PHF24: variants seen among roughly 807,000 people sequenced by gnomAD.
The protein encoded by PHF24 is Galpha inhibitory interacting protein.
A neutral mutation model predicts 42.6 loss-of-function variants in PHF24; 25 were observed. The ratio of observed to expected loss-of-function variants is 0.59; its 90% CI spans 0.43 to 0.82. The LOEUF (loss-of-function observed/expected upper bound fraction) is 0.82, where lower values mean the gene tolerates loss of function less well. Ranked by LOEUF, PHF24 falls within the 40% of genes least tolerant of loss-of-function variation. The probability of loss-of-function intolerance (pLI) is 0.00; values close to 1 mark genes in which losing one functional copy is unlikely to be tolerated. For missense variants in PHF24, 470 were observed against 538.1 expected (o/e 0.87, Z 1.25); for synonymous variants, 185 against 204.8 (o/e 0.90, Z 0.83).
the PHF24 span, among the ~76,000 whole-genome samples, chr9:34,686,185 A>C: frequency 6.6e-6 from 1 of 152,334 alleles, no homozygotes; most frequent in East Asian, 1.9e-4. Flanking sequence ...ACAGAGGGGC[A>C]CTTGCAGGAA....
chr9:34,791,901 A>T, the PHF24 span, among the ~76,000 whole-genome samples: 2 of 152,234 alleles, frequency 1.3e-5, no homozygotes, highest in Non-Finnish European at 2.9e-5. Flanking sequence ...GGGAAGAGAG[A>T]CAATGGAGAC....
exon 8 of PHF24, chr9:34,980,147 C>T (rs556019155): frequency 1.3e-5 from 2 of 152,328 alleles, no homozygotes; most frequent in South Asian, 4.1e-4. Flanking sequence ...GCATTTTTCT[C>T]CTGCCTCATC....
chr9:34,850,504 T>C, the PHF24 span, among the ~76,000 whole-genome samples: 1 of 152,232 alleles, frequency 6.6e-6, no homozygotes, highest in Non-Finnish European at 1.5e-5. Flanking sequence ...TACATTTGTC[T>C]AAATTTTTTT....
the PHF24 span, among the ~76,000 whole-genome samples, chr9:34,775,484 G>A: frequency 1.3e-5 from 2 of 152,038 alleles, no homozygotes; most frequent in Non-Finnish European, 2.9e-5. Flanking sequence ...TACAGCAGTG[G>A]GAATGCACTT....
At chr9:34,967,533 A>G (rs1203966865) in intron 1 of PHF24, among the ~76,000 whole-genome samples, 1 of 152,248 alleles carries the variant, frequency 6.6e-6, no homozygotes, top group African/African-American at 2.4e-5. Context: ...GTGGTCTGGA[A>G]AATGTAATTG....
At chr9:34,839,188 C>T in the PHF24 span, among the ~76,000 whole-genome samples, 2 of 152,260 alleles carry the variant, frequency 1.3e-5, no homozygotes, top group African/African-American at 4.8e-5. Context: ...GGAATACTGT[C>T]CAAATCATGG....
At chr9:34,709,710 T>C in the PHF24 span, 1 of 1,613,578 alleles carries the variant, frequency 6.2e-7, no homozygotes, top group Non-Finnish European at 8.5e-7. Flanking sequence ...TAAGCCTTCT[T>C]AGTCTTGCCC....
chr9:34,900,559 A>G, the PHF24 span, among the ~76,000 whole-genome samples: 2 of 152,204 alleles, frequency 1.3e-5, no homozygotes, highest in Non-Finnish European at 2.9e-5. Flanking sequence ...AGATATCACC[A>G]CTGCACTCCA....
At chr9:34,690,432 G>A in the PHF24 span, 4 of 605,254 alleles carry the variant, frequency 6.6e-6, no homozygotes, top group South Asian at 6.7e-5. Flanking sequence ...ACCTGTGTGT[G>A]TGTGTGTGTG....
At chr9:34,853,539 A>C in the PHF24 span, among the ~76,000 whole-genome samples, 3 of 152,148 alleles carry the variant, frequency 2.0e-5, no homozygotes, top group Non-Finnish European at 2.9e-5. Flanking sequence ...TAGAAATGGC[A>C]CCAGCTCGGC....
the PHF24 span, among the ~76,000 whole-genome samples, chr9:34,776,560 C>A: frequency 1.3e-5 from 2 of 152,132 alleles, no homozygotes; most frequent in African/African-American, 4.8e-5. Flanking sequence ...TTATATTTAT[C>A]TATCTCTTTA....
chr9:34,747,073 A>G, the PHF24 span, among the ~76,000 whole-genome samples: 1 of 152,192 alleles, frequency 6.6e-6, no homozygotes, highest in Non-Finnish European at 1.5e-5. Flanking sequence ...GGAAAAATAT[A>G]TATACAAAAT....
At chr9:34,667,396 G>C in the PHF24 span, among the ~76,000 whole-genome samples, 3 of 152,196 alleles carry the variant, frequency 2.0e-5, no homozygotes, top group Non-Finnish European at 2.9e-5. Context: ...ATGGGTGCTA[G>C]GTGGTTTTAT....
chr9:34,671,643 GAA>G, the PHF24 span, among the ~76,000 whole-genome samples: 23 of 152,226 alleles, frequency 1.5e-4, no homozygotes, highest in African/African-American at 4.6e-4. Flanking sequence ...TTCCAAGTGA[GAA>G]AGGGAGGAGA....
At chr9:34,972,463 C>G in exon 3 of PHF24, 1 of 1,614,122 alleles carries the variant, frequency 6.2e-7, no homozygotes, top group Non-Finnish European at 8.5e-7. Flanking sequence ...GGGCTACATC[C>G]AAGGAGACAG....
the PHF24 span, among the ~76,000 whole-genome samples, chr9:34,738,155 C>T: frequency 6.6e-6 from 1 of 152,070 alleles, no homozygotes; most frequent in African/African-American, 2.4e-5. Flanking sequence ...GATCCAGCAC[C>T]AGCATTATCT....
chr9:34,723,878 A>T, the PHF24 span: 1 of 1,551,256 alleles, frequency 6.4e-7, no homozygotes, highest in African/African-American at 1.4e-5. Context: ...TAGCTGTGGG[A>T]GCTTAAGCTG....
At chr9:34,796,004 A>G in the PHF24 span, among the ~76,000 whole-genome samples, 1 of 152,102 alleles carries the variant, frequency 6.6e-6, no homozygotes, top group African/African-American at 2.4e-5. Flanking sequence ...TGAAAAAAAA[A>G]AGAAAGAGAG....
At chr9:34,922,643 C>CTA in the PHF24 span, 1 of 1,071,202 alleles carries the variant, frequency 9.3e-7, no homozygotes, top group Admixed American at 1.7e-5. Flanking sequence ...ATCATTGCAG[C>CTA]TATCTCTTAG....
Sources: gnomAD v4.1 joint callset for allele counts (sites outside exome capture counted in the v4.1 genomes callset) on GRCh38, gnomAD v4.1.1 for gene constraint, MANE v1.5 for transcripts, NCBI Gene and HGNC (gene_info 2026-07-23, HGNC 2026-07-21) for gene names.